GPHN: variants seen among roughly 807,000 people sequenced by gnomAD.
The protein encoded by GPHN is gephyrin.
In GPHN, 17 loss-of-function variants were observed where a neutral mutation model predicts 95.5. The observed-to-expected ratio is 0.18, with a 90% CI of 0.12 to 0.27. The LOEUF is 0.27. Among genes scored for constraint, GPHN ranks in the 10% least tolerant of loss-of-function variants. The pLI, the probability that GPHN is intolerant of heterozygous loss-of-function variation, is 1.00. For synonymous variants in GPHN, 320 were observed against 322.5 expected (o/e 0.99, Z 0.08); for missense variants, 660 against 978.1 (o/e 0.67, Z 4.34).
chr14:66,971,141 C>G (rs899103806), intron 9 of GPHN, among the ~76,000 whole-genome samples: 1 of 152,148 alleles, frequency 6.6e-6, no homozygotes, highest in Non-Finnish European at 1.5e-5. Context: ...CCAGCCTGAC[C>G]AATGTGGAAA....
At chr14:67,421,789 C>A in the GPHN span, among the ~76,000 whole-genome samples, 1 of 152,146 alleles carries the variant, frequency 6.6e-6, no homozygotes, top group Non-Finnish European at 1.5e-5. Flanking sequence ...TTGTGCTTTG[C>A]GGGTTCTCGG....
the GPHN span, among the ~76,000 whole-genome samples, chr14:67,670,206 C>T: frequency 3.0e-4 from 46 of 152,334 alleles, 1 homozygote; most frequent in African/African-American, 1.1e-3. Context: ...CATTAATGCC[C>T]TCCTTCTAAA....
intron 4 of GPHN, among the ~76,000 whole-genome samples, chr14:66,856,429 A>G (rs1413826726): frequency 1.3e-5 from 2 of 152,158 alleles, no homozygotes; most frequent in Non-Finnish European, 2.9e-5. Context: ...TTGATTCCCC[A>G]TATCTGTCAG....
the GPHN span, among the ~76,000 whole-genome samples, chr14:67,638,970 A>G: frequency 1.3e-5 from 2 of 152,226 alleles, no homozygotes; most frequent in Non-Finnish European, 2.9e-5. Flanking sequence ...ATCGGAGTAA[A>G]TGGAGTTGGA....
the GPHN span, chr14:67,348,872 G>C: frequency 1.4e-6 from 1 of 692,160 alleles, no homozygotes; most frequent in Non-Finnish European, 2.4e-6. Flanking sequence ...GTTATCCTGA[G>C]TAATTAGAAA....
At chr14:67,115,799 T>C (rs2078654489) in intron 16 of GPHN, among the ~76,000 whole-genome samples, 1 of 152,110 alleles carries the variant, frequency 6.6e-6, no homozygotes, top group Non-Finnish European at 1.5e-5. Flanking sequence ...TATGACATAT[T>C]GGTAAGCAGG....
chr14:67,060,260 G>A (rs188708998), intron 11 of GPHN, among the ~76,000 whole-genome samples: 12 of 149,582 alleles, frequency 8.0e-5, no homozygotes, highest in Admixed American at 2.0e-4. Flanking sequence ...AGAGAAAAAT[G>A]CTGTCATATG....
the GPHN span, chr14:67,487,013 G>C: frequency 6.6e-6 from 1 of 152,164 alleles, no homozygotes; most frequent in East Asian, 1.9e-4. Flanking sequence ...TCACACCCTT[G>C]AGTGTGCAGC....
chr14:67,275,209 A>G, the GPHN span, among the ~76,000 whole-genome samples: 27 of 152,282 alleles, frequency 1.8e-4, no homozygotes, highest in African/African-American at 6.0e-4. Flanking sequence ...GTTTTGAAAG[A>G]GAATGCTTCC....
At chr14:66,706,066 G>T (rs989675883) in intron 2 of GPHN, among the ~76,000 whole-genome samples, 6 of 151,848 alleles carry the variant, frequency 4.0e-5, no homozygotes, top group Non-Finnish European at 8.8e-5. Context: ...ATTCATAATC[G>T]CTACAAAGAA....
chr14:67,262,804 T>C, the GPHN span, among the ~76,000 whole-genome samples: 1 of 152,188 alleles, frequency 6.6e-6, no homozygotes. Flanking sequence ...GTTTGTTAAC[T>C]AGACTGGTCT....
At chr14:66,559,009 T>G (rs548347444) in intron 1 of GPHN, among the ~76,000 whole-genome samples, 1 of 151,918 alleles carries the variant, frequency 6.6e-6, no homozygotes, top group Non-Finnish European at 1.5e-5. Flanking sequence ...GTCCTTGCGA[T>G]AGTTTACTGA....
chr14:66,552,398 G>A (rs985887508), intron 1 of GPHN, among the ~76,000 whole-genome samples: 4 of 151,908 alleles, frequency 2.6e-5, no homozygotes, highest in African/African-American at 7.3e-5. Context: ...TTTTATATAC[G>A]TTATAAGCCC....
At chr14:67,113,656 C>T (rs2078505019) in intron 16 of GPHN, among the ~76,000 whole-genome samples, 1 of 151,396 alleles carries the variant, frequency 6.6e-6, no homozygotes, top group Admixed American at 6.6e-5. Flanking sequence ...ATTTGATAAT[C>T]AGGTTTTTTT....
chr14:67,619,972 C>A, the GPHN span: 10 of 1,575,302 alleles, frequency 6.3e-6, no homozygotes, highest in South Asian at 1.0e-4. Flanking sequence ...CTCAGTGCTG[C>A]GGATCATGTC....
the GPHN span, chr14:67,340,561 C>A: frequency 2.0e-6 from 3 of 1,520,566 alleles, no homozygotes; most frequent in South Asian, 1.1e-5. Context: ...ACTTCAAACC[C>A]CTTTTTTCAA....
intron 4 of GPHN, among the ~76,000 whole-genome samples, chr14:66,867,414 T>C (rs893780230): frequency 1.3e-5 from 2 of 152,200 alleles, no homozygotes; most frequent in South Asian, 2.1e-4. Flanking sequence ...ATAATGTGAC[T>C]CTTACTTCCG....
chr14:67,658,562 A>C, the GPHN span, among the ~76,000 whole-genome samples: 1 of 152,200 alleles, frequency 6.6e-6, no homozygotes, highest in Non-Finnish European at 1.5e-5. Context: ...GCGCCACTGC[A>C]CTCCAGCCTG....
chr14:66,789,838 C>CGAAA (rs1311228129), intron 3 of GPHN, among the ~76,000 whole-genome samples: 1 of 152,202 alleles, frequency 6.6e-6, no homozygotes, highest in African/African-American at 2.4e-5. Flanking sequence ...AGCTGAGTAT[C>CGAAA]TTTCCATAAC....
Sources: gnomAD v4.1 joint callset for allele counts (sites outside exome capture counted in the v4.1 genomes callset) on GRCh38, gnomAD v4.1.1 for gene constraint, MANE v1.5 for transcripts, NCBI Gene and HGNC (gene_info 2026-07-23, HGNC 2026-07-21) for gene names.